Variants in FOXP1 observed in about 807,000 individuals in gnomAD.
FOXP1 encodes forkhead box P1, also known as forkhead box protein P1.
FOXP1 carries 15 observed loss-of-function variants against 98.2 expected under a neutral mutation model. The observed-to-expected ratio is 0.15, with a 90% CI of 0.10 to 0.24. FOXP1 has a LOEUF of 0.24. Among genes scored for constraint, FOXP1 ranks in the 10% least tolerant of loss-of-function variants. The pLI is 1.00. For synonymous variants in FOXP1, 371 were observed against 314.5 expected, an observed-to-expected ratio of 1.18 and a Z score of -1.90; for missense variants, 633 against 848.5, an observed-to-expected ratio of 0.75 and a Z score of 3.15.
At chr3:70,988,136 CA>C (rs1559651220) in intron 13 of FOXP1, 59 bp from the exon 14 acceptor site, 17 of 1,379,444 alleles carry the variant, frequency 1.2e-5, no homozygotes, top group Non-Finnish European at 1.3e-5. Flanking sequence ...CTCTTAACAC[CA>C]AAAATGATAC....
At chr3:71,406,359 G>A (rs912407424) in intron 3 of FOXP1, among the ~76,000 whole-genome samples, 5 of 129,866 alleles carry the variant, frequency 3.9e-5, no homozygotes, top group South Asian at 2.4e-4. Context: ...AATTATTTTC[G>A]TTATTTTTTT....
At chr3:71,427,296 C>T (rs558093489) in intron 3 of FOXP1, among the ~76,000 whole-genome samples, 43 of 152,028 alleles carry the variant, frequency 2.8e-4, no homozygotes, top group African/African-American at 9.7e-4. Context: ...GGATACAAAA[C>T]GGAGAAGGGA....
At chr3:71,263,885 C>T (rs1047110970) in intron 5 of FOXP1, among the ~76,000 whole-genome samples, 6 of 151,856 alleles carry the variant, frequency 4.0e-5, no homozygotes, top group African/African-American at 1.2e-4. Flanking sequence ...GCTGAGACTA[C>T]AGGCACATGC....
At chr3:71,182,526 GTGTGTGTATA>G (rs1344871668) in intron 6 of FOXP1, among the ~76,000 whole-genome samples, 17 of 147,874 alleles carry the variant, frequency 1.1e-4, no homozygotes, top group Non-Finnish European at 1.9e-4. Flanking sequence ...GTGTGTGTGT[GTGTGTGTATA>G]TATGTATATA....
At chr3:71,533,168 TGTTA>T (rs1343881013) in intron 2 of FOXP1, among the ~76,000 whole-genome samples, 1 of 152,176 alleles carries the variant, frequency 6.6e-6, no homozygotes, top group Non-Finnish European at 1.5e-5. Flanking sequence ...ATTTCACAAC[TGTTA>T]ATTAGGCAAG....
intron 7 of FOXP1, among the ~76,000 whole-genome samples, chr3:71,059,840 C>T (rs548771886): frequency 5.3e-5 from 8 of 152,154 alleles, no homozygotes; most frequent in Non-Finnish European, 7.4e-5. Flanking sequence ...AAGGAAGAGG[C>T]CTTGGCTAAA....
intron 6 of FOXP1, among the ~76,000 whole-genome samples, chr3:71,145,771 A>G (rs1037064353): frequency 6.6e-6 from 1 of 152,094 alleles, no homozygotes; most frequent in Non-Finnish European, 1.5e-5. Context: ...CCTAATGTCT[A>G]ATGATGTGGA....
At chr3:70,995,512 CCT>C (rs1279284853) in intron 13 of FOXP1, among the ~76,000 whole-genome samples, 1 of 152,092 alleles carries the variant, frequency 6.6e-6, no homozygotes, top group Non-Finnish European at 1.5e-5. Flanking sequence ...TACTGCATTC[CCT>C]GATTTCAAAA....
chr3:71,002,209 C>T (rs565204209), intron 12 of FOXP1, among the ~76,000 whole-genome samples: 1 of 152,318 alleles, frequency 6.6e-6, no homozygotes, highest in South Asian at 2.1e-4. Context: ...AATGCATCCC[C>T]TCTTGTTTAA....
At chr3:71,380,202 G>C (rs1035096192) in intron 3 of FOXP1, among the ~76,000 whole-genome samples, 8 of 152,172 alleles carry the variant, frequency 5.3e-5, no homozygotes, top group African/African-American at 1.9e-4. Flanking sequence ...TTTAAGGTCA[G>C]AGTGGAGTCA....
chr3:71,171,298 T>G (rs2061641802), intron 6 of FOXP1, among the ~76,000 whole-genome samples: 1 of 152,096 alleles, frequency 6.6e-6, no homozygotes, highest in Non-Finnish European at 1.5e-5. Context: ...GTCCCCAGGT[T>G]CCCTTCAGAA....
chr3:71,174,551 C>T (rs1442991807), intron 6 of FOXP1, among the ~76,000 whole-genome samples: 1 of 152,136 alleles, frequency 6.6e-6, no homozygotes, highest in Non-Finnish European at 1.5e-5. Context: ...TTCCTGATTT[C>T]ATCCATCTTC....
chr3:71,117,894 T>C (rs1338436160), intron 6 of FOXP1, among the ~76,000 whole-genome samples: 1 of 152,198 alleles, frequency 6.6e-6, no homozygotes, highest in East Asian at 1.9e-4. Context: ...AGGTGAATGA[T>C]AAAACCAGGC....
At chr3:71,481,395 A>C (rs1259934108) in intron 3 of FOXP1, among the ~76,000 whole-genome samples, 2 of 152,216 alleles carry the variant, frequency 1.3e-5, no homozygotes, top group African/African-American at 4.8e-5. Context: ...TATGCTTATT[A>C]CCACATGTAG....
At chr3:71,137,799 T>TTA (rs10622681) in intron 6 of FOXP1, among the ~76,000 whole-genome samples, 114,703 of 137,906 alleles carry the variant, frequency 0.83, 50,886 homozygotes, top group Non-Finnish European at 0.98. Flanking sequence ...TTTATTATTA[T>TTA]TTTTTTTTTT....
At chr3:71,181,177 A>G (rs938679566) in intron 6 of FOXP1, among the ~76,000 whole-genome samples, 1 of 152,106 alleles carries the variant, frequency 6.6e-6, no homozygotes, top group Non-Finnish European at 1.5e-5. Flanking sequence ...ACCCAAGATG[A>G]TTGGATTTTA....
intron 3 of FOXP1, among the ~76,000 whole-genome samples, chr3:71,486,783 C>G (rs1015944783): frequency 1.7e-4 from 26 of 152,112 alleles, no homozygotes; most frequent in Non-Finnish European, 2.8e-4. Flanking sequence ...ATTACTTGAA[C>G]CAACTTAACA....
intron 5 of FOXP1, among the ~76,000 whole-genome samples, chr3:71,268,128 TC>T (rs1187718583): frequency 7.1e-6 from 1 of 141,738 alleles, no homozygotes; most frequent in Non-Finnish European, 1.5e-5. Context: ...TCTCGCTCTG[TC>T]GCCCAGGCTG....
At chr3:71,323,624 G>A (rs1025650033) in intron 4 of FOXP1, among the ~76,000 whole-genome samples, 3 of 152,104 alleles carry the variant, frequency 2.0e-5, no homozygotes, top group South Asian at 2.1e-4. Flanking sequence ...TGCATTCTAC[G>A]GAGCACCTCG....
Sources: gnomAD v4.1 joint callset for allele counts (sites outside exome capture counted in the v4.1 genomes callset) on GRCh38, gnomAD v4.1.1 for gene constraint, MANE v1.5 for transcripts, NCBI Gene and HGNC (gene_info 2026-07-23, HGNC 2026-07-21) for gene names.